Variants in CCDC144A observed in about 807,000 individuals in gnomAD.
CCDC144A encodes the protein coiled-coil domain containing 144A.
Under a neutral mutation model 143.8 loss-of-function variants are expected in CCDC144A, and 41 were observed. The observed-to-expected ratio is 0.29, with a 90% confidence interval of 0.22 to 0.37. CCDC144A has a LOEUF of 0.37. Ranked by LOEUF, CCDC144A falls within the 10% of genes least tolerant of loss-of-function variation. CCDC144A has a pLI of 1.00. For missense variants in CCDC144A, 637 were observed against 1,488.8 expected (o/e 0.43, Z 9.41); for synonymous variants, 242 against 517.9 (o/e 0.47, Z 7.23).
the CCDC144A span, among the ~76,000 whole-genome samples, chr17:16,671,286 C>G: frequency 6.6e-6 from 1 of 152,018 alleles, no homozygotes; most frequent in Admixed American, 6.6e-5. Context: ...CCTGGCCTAT[C>G]ATTACCTTTT....
chr17:16,749,592 G>A (rs1297781526), intron 12 of CCDC144A, among the ~76,000 whole-genome samples: 3 of 152,238 alleles, frequency 2.0e-5, no homozygotes, highest in East Asian at 3.8e-4. Context: ...TTCTGTAGAT[G>A]TCTGTTAGGT....
chr17:16,739,691 C>T (rs1358736322), intron 12 of CCDC144A, among the ~76,000 whole-genome samples: 1 of 151,876 alleles, frequency 6.6e-6, no homozygotes, highest in East Asian at 1.9e-4. Context: ...TTTTTTTACA[C>T]CCTTGTTGAA....
At chr17:16,711,249 A>G (rs2621605) in intron 5 of CCDC144A, among the ~76,000 whole-genome samples, 14,151 of 151,284 alleles carry the variant, frequency 0.094, 869 homozygotes, top group Non-Finnish European at 0.13. Context: ...TATCCTCTCA[A>G]TCTGGCTGTT....
In CCDC144A at chr17:16,749,841, A is replaced by T. The variant is rs368693368; in HGVS notation, c.3373-11584A>T. On this transcript the variant is annotated intron_variant, in intron 12 of 16. Transcript: ENST00000399273. ...GAAGTGAATCCTTTATCATTGTGTA[A>T]TGCCCTTCTTCATCCTTTTTTGGCT... Among the ~76,000 whole-genome samples, 289 of 152,274 alleles carry T rather than the reference A, an allele frequency of 1.9e-3. 1 individual carries two copies. In the South Asian group the frequency reaches 0.021, roughly 11 times the overall value.
Position 16,777,860 on chromosome 17 carries a change from A to T in CCDC144A, c.*4227A>T, listed in dbSNP as rs1339026463. The T allele has an allele frequency of 6.9e-6, 1 of 144,124 alleles. No individual in the cohort carries two copies. Among genetic ancestry groups the T allele is most frequent in the African/African-American group, 2.8e-5 (1 of 35,250 alleles). The allele number at this position is 144,124 out of a possible 1,614,324, so 8.9% of individuals were successfully genotyped here. ...CCAGCAGAAGAAAAGAAATAACAAA[A>T]TCAGAACAAAACTAAATGAAATTGA... On this transcript the variant is annotated 3_prime_UTR_variant, in exon 17 of 17. Transcript: ENST00000399273.
chr17:16,691,891 A>C (rs569813989), intron 1 of CCDC144A: 1 of 152,268 alleles, frequency 6.6e-6, no homozygotes, highest in South Asian at 2.1e-4. Flanking sequence ...CAGATTTTTG[A>C]AGTGGTCCAT....
intron 8 of CCDC144A, among the ~76,000 whole-genome samples, chr17:16,722,053 A>G (rs1043551697): frequency 2.8e-4 from 43 of 152,260 alleles, no homozygotes; most frequent in African/African-American, 9.6e-4. Flanking sequence ...TTTCATCATG[A>G]CACATGTTAG....
At chr17:16,748,152 G>A (rs533312626) in intron 12 of CCDC144A, among the ~76,000 whole-genome samples, 18 of 152,288 alleles carry the variant, frequency 1.2e-4, no homozygotes, top group Middle Eastern at 6.8e-3. Flanking sequence ...CAACATGCTG[G>A]GGTTACAAGC....
chr17:16,688,652 C>T (rs993420187), upstream of CCDC144A, among the ~76,000 whole-genome samples: 1 of 151,870 alleles, frequency 6.6e-6, no homozygotes, highest in African/African-American at 2.4e-5. Context: ...GCACGCCCAA[C>T]TAATTTTTGT....
At chr17:16,707,211 A>G in intron 3 of CCDC144A, 1 of 386,554 alleles carries the variant, frequency 2.6e-6, no homozygotes, top group Middle Eastern at 7.0e-4. Context: ...TGGGTGGATG[A>G]ATCTGTGAGT....
At chr17:16,743,912 A>G (rs1450434384) in intron 12 of CCDC144A, among the ~76,000 whole-genome samples, 1 of 152,240 alleles carries the variant, frequency 6.6e-6, no homozygotes, top group Non-Finnish European at 1.5e-5. Context: ...TTTAGCTCCC[A>G]CTTATAAGTG....
chr17:16,761,385 A>T (rs762260553), intron 12 of CCDC144A, 40 bp from the exon 13 acceptor site: 5 of 1,574,444 alleles, frequency 3.2e-6, no homozygotes, highest in Non-Finnish European at 4.3e-6. Flanking sequence ...TTCTCAGTCT[A>T]CCTTCTTCAT....
At chr17:16,712,487 T>G (rs916482269) in intron 6 of CCDC144A, among the ~76,000 whole-genome samples, 1 of 152,118 alleles carries the variant, frequency 6.6e-6, no homozygotes, top group African/African-American at 2.4e-5. Flanking sequence ...GACAAGATCC[T>G]ACAGGAAAAT....
intron 12 of CCDC144A, among the ~76,000 whole-genome samples, chr17:16,753,444 T>TG (rs1914912522): frequency 1.6e-5 from 2 of 128,942 alleles, no homozygotes; most frequent in East Asian, 2.5e-4. Flanking sequence ...TTTTTTTTTT[T>TG]TTTTTTTTTT....
rs906080870 is a variant in CCDC144A at position 16,745,601 on chromosome 17, C to T, written c.3372+9958C>T. On this transcript the variant is annotated intron_variant, in intron 12 of 16. Transcript: ENST00000399273. ...TACACGTTTCTGGGATGCCCTCGCT[C>T]GTCCATGGAGGCCAGGTGCGTGCAG... The T allele has an allele frequency of 7.7e-5, 119 of 1,550,256 alleles. No homozygotes were observed. The African/African-American group carries it at 1.2e-3, about 16-fold the overall frequency.
At chr17:16,773,386 T>C in intron 16 of CCDC144A, 111 bp from the exon 17 acceptor site, 1 of 1,397,656 alleles carries the variant, frequency 7.2e-7, no homozygotes, top group Non-Finnish European at 9.5e-7. Flanking sequence ...AGGACAAGAC[T>C]GCAGTGACCT....
chr17:16,688,654 A>T (rs1168877731), upstream of CCDC144A, among the ~76,000 whole-genome samples: 1 of 151,174 alleles, frequency 6.6e-6, no homozygotes, highest in Non-Finnish European at 1.5e-5. Flanking sequence ...ACGCCCAACT[A>T]ATTTTTGTAT....
intron 8 of CCDC144A, among the ~76,000 whole-genome samples, chr17:16,724,552 T>TG (rs1282342822): frequency 7.4e-5 from 11 of 149,370 alleles, no homozygotes; most frequent in Admixed American, 7.3e-4. Context: ...GAACCTAGAA[T>TG]GTGGTCTGTT....
chr17:16,721,445 T>C (rs1350096057), intron 8 of CCDC144A, among the ~76,000 whole-genome samples: 1 of 150,768 alleles, frequency 6.6e-6, no homozygotes, highest in African/African-American at 2.4e-5. Context: ...ATTATTGCTG[T>C]TTTTAAATTT....
Sources: allele counts gnomAD v4.1 joint callset (sites outside exome capture counted in the v4.1 genomes callset), GRCh38; gene constraint gnomAD v4.1.1; transcripts MANE v1.5; gene names NCBI Gene and HGNC (gene_info 2026-07-23, HGNC 2026-07-21).